ANK3: variants seen among roughly 807,000 people sequenced by gnomAD.
The protein encoded by ANK3 is ankyrin-3.
In ANK3, 57 loss-of-function variants were observed where a neutral mutation model predicts 370.9. The ratio of observed to expected loss-of-function variants is 0.15; its 90% CI spans 0.12 to 0.19. ANK3 has a LOEUF of 0.19. Ranked by LOEUF, ANK3 falls within the 10% of genes least tolerant of loss-of-function variation. The pLI is 1.00. For synonymous variants in ANK3, 1,929 were observed against 1,946.3 expected (o/e 0.99, Z 0.23); for missense variants, 4,439 against 5,302.1 (o/e 0.84, Z 5.06).
chr10:60,482,382 G>A (rs948696622), intron 2 of ANK3, among the ~76,000 whole-genome samples: 1 of 152,122 alleles, frequency 6.6e-6, no homozygotes, highest in Non-Finnish European at 1.5e-5. Flanking sequence ...CAAAGATATT[G>A]CCAGTTTCTC....
At chr10:60,501,785 G>A (rs1324181213) in intron 2 of ANK3, among the ~76,000 whole-genome samples, 1 of 151,924 alleles carries the variant, frequency 6.6e-6, no homozygotes, top group East Asian at 1.9e-4. Context: ...ACCAGCCTGG[G>A]TAACATAGTG....
intron 1 of ANK3, among the ~76,000 whole-genome samples, chr10:60,297,564 T>A (rs1339103307): frequency 3.9e-5 from 6 of 152,236 alleles, no homozygotes; most frequent in African/African-American, 1.4e-4. Context: ...ATAAAACATT[T>A]AAAAAATAAA....
At chr10:60,159,164 A>C (rs2095431218) in intron 23 of ANK3, among the ~76,000 whole-genome samples, 1 of 152,204 alleles carries the variant, frequency 6.6e-6, no homozygotes. Flanking sequence ...ATTTAAAAAC[A>C]AGACTGAACG....
chr10:60,035,544 C>T (rs564760143), intron 43 of ANK3, among the ~76,000 whole-genome samples: 5 of 151,630 alleles, frequency 3.3e-5, no homozygotes, highest in South Asian at 2.1e-4. Context: ...TGAGCCACTG[C>T]GCCCGGCCAA....
intron 4 of ANK3, among the ~76,000 whole-genome samples, chr10:60,275,789 T>C (rs1229650426): frequency 3.3e-5 from 5 of 152,156 alleles, no homozygotes; most frequent in Admixed American, 3.3e-4. Context: ...GTAGTTAAAA[T>C]ATTATTGGAA....
intron 1 of ANK3, among the ~76,000 whole-genome samples, chr10:60,368,223 G>C (rs983273546): frequency 4.1e-5 from 6 of 147,960 alleles, no homozygotes; most frequent in African/African-American, 1.5e-4. Context: ...CTATACACTA[G>C]TGCATGTACA....
chr10:60,418,762 AT>A (rs1490583283), intron 2 of ANK3, among the ~76,000 whole-genome samples: 2 of 151,742 alleles, frequency 1.3e-5, no homozygotes, highest in African/African-American at 4.8e-5. Flanking sequence ...TTAACTGGGC[AT>A]TCTGTATCTG....
At chr10:60,054,780 C>T (rs564457416) in intron 42 of ANK3, among the ~76,000 whole-genome samples, 4 of 152,140 alleles carry the variant, frequency 2.6e-5, no homozygotes, top group East Asian at 1.9e-4. Context: ...TATGTCTCAG[C>T]GAAAACTGCA....
chr10:60,276,678 A>G (rs1367665512), intron 4 of ANK3, among the ~76,000 whole-genome samples: 3 of 152,212 alleles, frequency 2.0e-5, no homozygotes, highest in African/African-American at 7.2e-5. Flanking sequence ...TTTCTCCCAA[A>G]CATTGCCGAG....
intron 2 of ANK3, among the ~76,000 whole-genome samples, chr10:60,611,295 G>A (rs1467565596): frequency 2.0e-5 from 3 of 152,126 alleles, no homozygotes; most frequent in African/African-American, 7.2e-5. Context: ...ACTTGAATCA[G>A]CAGAGGAAGG....
At chr10:60,422,277 C>T (rs937817937) in intron 2 of ANK3, among the ~76,000 whole-genome samples, 1 of 152,090 alleles carries the variant, frequency 6.6e-6, no homozygotes, top group Admixed American at 6.6e-5. Context: ...ATTCATTCTT[C>T]CATTAACTTA....
chr10:60,308,295 CTTTTTTTTTTTT>C lies in ANK3; in HGVS notation c.115-28668_115-28657del, dbSNP rs66593889. Among the ~76,000 whole-genome samples, 812 of 84,144 alleles carry C rather than the reference CTTTTTTTTTTTT, an allele frequency of 9.7e-3. 8 individuals carry two copies. Among genetic ancestry groups the C allele is most frequent in the South Asian group, 0.032 (62 of 1,932 alleles). The allele number at this position is 84,144 out of a possible 152,430, so 55.2% of individuals were successfully genotyped here. A position where few individuals can be genotyped will look rare whatever the true frequency, so the allele number is the denominator to read the frequency against. ...ACCCTTGACTTTGGAGGGAATCTGG[CTTTTTTTTTTTT>C]TTTTTTTTTTGAGATGGAGTCTCGT... is the stretch of plus-strand genomic sequence containing the variant. On this transcript the variant is annotated intron_variant, in intron 1 of 43. Coordinates refer to ENST00000280772, the MANE Select transcript of ANK3 (RefSeq NM_020987.5).
chr10:60,222,438 AG>A (rs1555163147), intron 8 of ANK3, among the ~76,000 whole-genome samples: 2 of 147,340 alleles, frequency 1.4e-5, no homozygotes, highest in Non-Finnish European at 3.0e-5. Context: ...AAAAAAAAAG[AG>A]GAGGAAAACT....
At chr10:60,205,760 T>TCAGGA in intron 11 of ANK3, 32 bp downstream of exon 11, 1 of 1,509,196 alleles carries the variant, frequency 6.6e-7, no homozygotes, top group East Asian at 2.3e-5. Flanking sequence ...TCTCAGTATC[T>TCAGGA]CAGGACTCCC....
At chr10:60,359,918 T>C (rs1235748293) in intron 1 of ANK3, among the ~76,000 whole-genome samples, 4 of 152,248 alleles carry the variant, frequency 2.6e-5, no homozygotes, top group African/African-American at 9.6e-5. Context: ...TACTAAGTAA[T>C]CAAATTAGAC....
intron 28 of ANK3, among the ~76,000 whole-genome samples, chr10:60,104,405 G>GAAAAGAAAAGAAAAGA (rs748365310): frequency 1.7e-4 from 15 of 88,292 alleles, no homozygotes; most frequent in African/African-American, 8.2e-4. Context: ...AACAAAGAAA[G>GAAAAGAAAAGAAAAGA]AAAGAAAAGA....
rs572896730 is a variant in ANK3, at chr10:60,163,622, G to C, written c.2614+2969C>G. On this transcript the variant is annotated intron_variant, in intron 23 of 43. Coordinates refer to ENST00000280772, the MANE Select transcript of ANK3 (RefSeq NM_020987.5). ...TAAGGAGAAAGCAAAGAAGAAAAAG[G>C]AAAAGAGAATGAAAAAGAAGAGAGA... Among the ~76,000 whole-genome samples the C allele has an allele frequency of 2.0e-5, 3 of 152,186 alleles. No individual in the cohort carries two copies. In the East Asian group the frequency reaches 5.8e-4, roughly 29 times the overall value.
chr10:60,034,194 C>T (rs949253177), intron 43 of ANK3, among the ~76,000 whole-genome samples: 1 of 149,808 alleles, frequency 6.7e-6, no homozygotes, highest in African/African-American at 2.5e-5. Flanking sequence ...GCAACCTCCA[C>T]CTCCCGGGCT....
intron 2 of ANK3, among the ~76,000 whole-genome samples, chr10:60,410,693 G>T (rs2063541072): frequency 6.6e-6 from 1 of 152,100 alleles, no homozygotes. Flanking sequence ...TTGAGACAGG[G>T]TCTCAATCTG....
Sources: allele counts gnomAD v4.1 joint callset (sites outside exome capture counted in the v4.1 genomes callset), GRCh38; gene constraint gnomAD v4.1.1; transcripts MANE v1.5; gene names NCBI Gene and HGNC (gene_info 2026-07-23, HGNC 2026-07-21).